SLC9A4: variants seen among roughly 807,000 people sequenced by gnomAD.
SLC9A4 encodes the protein solute carrier family 9 member A4, also known as sodium/hydrogen exchanger 4.
Under a neutral mutation model 67.4 loss-of-function variants are expected in SLC9A4, and 63 were observed. That is an observed-to-expected ratio of 0.93 (90% confidence interval 0.76 to 1.15). The LOEUF (loss-of-function observed/expected upper bound fraction) is 1.15, where lower values mean the gene tolerates loss of function less well. Among genes scored for constraint, SLC9A4 ranks in the 50% most tolerant of loss-of-function variants. The pLI, the probability that SLC9A4 is intolerant of heterozygous loss-of-function variation, is 0.00. For missense variants in SLC9A4, 1,089 were observed against 987.7 expected, an observed-to-expected ratio of 1.10 and a Z score of -1.38; for synonymous variants, 393 against 367.2, an observed-to-expected ratio of 1.07 and a Z score of -0.80.
intron 9 of SLC9A4, 34 bp downstream of exon 9, chr2:102,519,989 C>A: frequency 6.3e-7 from 1 of 1,579,468 alleles, no homozygotes; most frequent in Non-Finnish European, 8.7e-7. Context: ...TCCCCATTTT[C>A]TGTCCTTGAA....
At chr2:102,512,885 C>T (rs904412492) in intron 7 of SLC9A4, among the ~76,000 whole-genome samples, 5 of 152,116 alleles carry the variant, frequency 3.3e-5, no homozygotes, top group East Asian at 1.9e-4. Flanking sequence ...ACTCTCGTGG[C>T]GCAGGCAAGG....
At position 102,502,491 on chromosome 2, in the gene SLC9A4, A is replaced by T. The variant is rs538225681; in HGVS notation, c.721-957A>T. 2.6e-5 allele frequency among the ~76,000 whole-genome samples: 4 copies of T among 152,328 alleles called. No individual in the cohort carries two copies. The East Asian group carries it at 7.7e-4, about 29-fold the overall frequency. ...TTATAAAATGTATTAACTATAATAA[A>T]GGCATAACTATAAGATATAAGGAAA... On this transcript the variant is annotated intron_variant, in intron 2 of 11. Coordinates refer to ENST00000295269, the MANE Select transcript of SLC9A4 (RefSeq NM_001011552.4).
Position 102,473,976 on chromosome 2 carries a change from G to T in SLC9A4, c.217G>T (p.Val73Phe). The T allele has an allele frequency of 1.2e-6, 2 of 1,614,010 alleles. No homozygotes were observed. Among genetic ancestry groups the T allele is most frequent in the Non-Finnish European group, 1.7e-6 (2 of 1,179,916 alleles). ...TGACTATGTGCAAATTCCTTATGAG[G>T]TCACTCTCTGGATACTTCTAGCATC... The part of the protein sequence containing the change: ...DYDYVQIPYE[V>F]TLWILLASLA... The change falls in exon 1 of 12, where the codon GTC (valine) becomes TTC (phenylalanine). Residue 73 changes from valine to phenylalanine, a missense_variant. Coordinates refer to ENST00000295269, the MANE Select transcript of SLC9A4 (RefSeq NM_001011552.4).
At chr2:102,508,797 T>C (rs1266374084) in intron 5 of SLC9A4, 50 bp from the exon 6 acceptor site, 1 of 1,448,728 alleles carries the variant, frequency 6.9e-7, no homozygotes, top group South Asian at 1.2e-5. Flanking sequence ...CTCTCTCTAG[T>C]GACAGTCTTC....
At chr2:102,531,150 C>T (rs1476251351) in intron 11 of SLC9A4, among the ~76,000 whole-genome samples, 1 of 147,008 alleles carries the variant, frequency 6.8e-6, no homozygotes, top group Non-Finnish European at 1.5e-5. Context: ...GCAAGCTCTG[C>T]CTCCCAGGTT....
chr2:102,477,796 T>A (rs1470393629), intron 1 of SLC9A4, among the ~76,000 whole-genome samples: 2 of 152,164 alleles, frequency 1.3e-5, no homozygotes, highest in African/African-American at 4.8e-5. Context: ...GCAGGCTACA[T>A]AAAGATAGTG....
rs28692875 is a variant in SLC9A4 at position 102,488,121 on chromosome 2, G to C, written c.720+8819G>C. 5.5e-3 allele frequency among the ~76,000 whole-genome samples: 836 copies of C among 152,238 alleles called. 17 individuals carry two copies. Among genetic ancestry groups the C allele is most frequent in the African/African-American group, 0.019 (803 of 41,540 alleles). ...ATTCCTGACTTGAGAGAAAAGCGTA[G>C]AGCTTCAAGCACAGCCTGGGGACTT... On this transcript the variant is annotated intron_variant, in intron 2 of 11. Transcript: ENST00000295269.
At chr2:102,492,271 G>A (rs188936355) in intron 2 of SLC9A4, among the ~76,000 whole-genome samples, 8 of 152,356 alleles carry the variant, frequency 5.3e-5, no homozygotes, top group Admixed American at 2.0e-4. Context: ...GCACCCAAAT[G>A]GGGAGTCTGT....
chr2:102,505,369 A>C lies in SLC9A4; in HGVS notation c.1096A>C (p.Ile366Leu), dbSNP rs1283808281. ...GCTGAGCAGCGTCAGCGAGACCTTGATCTTCATCTTCATGGGTGTGTCCAC... is the reference window on the plus strand; with the variant it reads ...GCTGAGCAGCGTCAGCGAGACCTTGCTCTTCATCTTCATGGGTGTGTCCAC... ...KMLSSVSETL[I>L]FIFMGVSTVG... Residue 366 changes from isoleucine (I) to leucine (L), a missense_variant, in exon 4 of 12, where the codon ATC (isoleucine) becomes CTC (leucine). By Grantham distance (5) the Ile-to-Leu change is conservative. Coordinates refer to ENST00000295269, the MANE Select transcript of SLC9A4 (RefSeq NM_001011552.4). 1 of 1,614,096 alleles carries C rather than the reference A, an allele frequency of 6.2e-7. No homozygotes were observed. Among genetic ancestry groups the C allele is most frequent in the African/African-American group, 1.3e-5 (1 of 74,930 alleles).
At chr2:102,490,355 G>T (rs1318809286) in intron 2 of SLC9A4, among the ~76,000 whole-genome samples, 1 of 152,230 alleles carries the variant, frequency 6.6e-6, no homozygotes, top group East Asian at 1.9e-4. Flanking sequence ...GGAAGTCCAA[G>T]AACAAGATGT....
chr2:102,511,189 C>G (rs72825959), intron 6 of SLC9A4, among the ~76,000 whole-genome samples: 59 of 152,284 alleles, frequency 3.9e-4, no homozygotes, highest in Admixed American at 6.5e-4. Context: ...AAAATCTACC[C>G]TAAAGTTCAT....
chr2:102,479,998 A>G (rs1684425257), intron 2 of SLC9A4, among the ~76,000 whole-genome samples: 2 of 152,224 alleles, frequency 1.3e-5, no homozygotes, highest in East Asian at 1.9e-4. Context: ...TTCATTAATT[A>G]CTAAAAACCT....
At chr2:102,492,987 A>T (rs1213328392) in intron 2 of SLC9A4, among the ~76,000 whole-genome samples, 2 of 152,222 alleles carry the variant, frequency 1.3e-5, no homozygotes, top group African/African-American at 4.8e-5. Flanking sequence ...GTTAAAACAT[A>T]AAGAGAATTA....
chr2:102,522,279 T>C (rs1175296576), intron 9 of SLC9A4, among the ~76,000 whole-genome samples: 4 of 152,062 alleles, frequency 2.6e-5, no homozygotes, highest in Admixed American at 2.6e-4. Context: ...CTTTAGCAAA[T>C]AGTTAATACA....
intron 2 of SLC9A4, among the ~76,000 whole-genome samples, chr2:102,484,776 G>A (rs1684549849): frequency 6.6e-6 from 1 of 152,152 alleles, no homozygotes; most frequent in Non-Finnish European, 1.5e-5. Flanking sequence ...TCATCAGAGA[G>A]GTCAAAGGCC....
At chr2:102,507,381 C>T (rs935726439) in intron 4 of SLC9A4, among the ~76,000 whole-genome samples, 1 of 152,290 alleles carries the variant, frequency 6.6e-6, no homozygotes, top group African/African-American at 2.4e-5. Flanking sequence ...CTAGCAGGCA[C>T]CACTGCATTG....
At chr2:102,499,371 T>C (rs1684875982) in intron 2 of SLC9A4, among the ~76,000 whole-genome samples, 1 of 152,216 alleles carries the variant, frequency 6.6e-6, no homozygotes, top group Non-Finnish European at 1.5e-5. Flanking sequence ...TGTGGGACTT[T>C]TGTGGGGGTT....
intron 4 of SLC9A4, 42 bp from the exon 5 acceptor site, chr2:102,508,037 G>A (rs376333352): frequency 5.0e-5 from 80 of 1,592,616 alleles, no homozygotes; most frequent in East Asian, 6.7e-5. Context: ...ATCTCTGCTC[G>A]TTCATGATCC....
At chr2:102,509,617 AT>A (rs1685118253) in intron 6 of SLC9A4, among the ~76,000 whole-genome samples, 2 of 152,338 alleles carry the variant, frequency 1.3e-5, no homozygotes, top group South Asian at 4.1e-4. Context: ...TGCATCATCA[AT>A]TCAAAATCCA....
Sources: allele counts gnomAD v4.1 joint callset (sites outside exome capture counted in the v4.1 genomes callset), GRCh38; gene constraint gnomAD v4.1.1; transcripts MANE v1.5; gene names NCBI Gene and HGNC (gene_info 2026-07-23, HGNC 2026-07-21).